PKD2: variants seen among roughly 807,000 people sequenced by gnomAD.
PKD2 encodes polycystin-2.
A neutral mutation model predicts 105.9 loss-of-function variants in PKD2; 48 were observed. The observed-to-expected ratio is 0.45, with a 90% CI of 0.36 to 0.58. PKD2 has a LOEUF of 0.58. PKD2 is among the 20% of genes least tolerant of loss of function. The pLI is 0.00. For synonymous variants in PKD2, 464 were observed against 481.1 expected, an observed-to-expected ratio of 0.96 and a Z score of 0.46; for missense variants, 1,078 against 1,255.3, an observed-to-expected ratio of 0.86 and a Z score of 2.13.
rs529761249 is a variant in PKD2 at position 88,047,776 on chromosome 4, TC to T, written c.1548+907del. Among the ~76,000 whole-genome samples the T allele has an allele frequency of 7.9e-5, 12 of 152,140 alleles. No individual in the cohort carries two copies. The East Asian group carries it at 2.3e-3, about 29-fold the overall frequency. ...ACTTTAGGGAACTGAGGTGGGAGGATCACTTGAGATCAGGAGTTTGATACCA... is the reference window on the plus strand; with the variant it reads ...ACTTTAGGGAACTGAGGTGGGAGGATACTTGAGATCAGGAGTTTGATACCA... On this transcript the variant is annotated intron_variant, in intron 6 of 14. Coordinates refer to ENST00000237596, the MANE Select transcript of PKD2 (RefSeq NM_000297.4).
intron 8 of PKD2, among the ~76,000 whole-genome samples, chr4:88,057,468 T>G (rs1205292816): frequency 1.3e-5 from 2 of 149,500 alleles, no homozygotes; most frequent in Non-Finnish European, 3.0e-5. Context: ...TGGAGTCTCG[T>G]TCCATCGCCC....
chr4:88,014,107 TAGAA>T (rs1255530080), intron 1 of PKD2, among the ~76,000 whole-genome samples: 3 of 151,954 alleles, frequency 2.0e-5, no homozygotes, highest in South Asian at 2.1e-4. Flanking sequence ...AGAAGCTAGA[TAGAA>T]AGGAAACAAA....
chr4:88,056,087 T>C lies in PKD2; in HGVS notation c.1718T>C (p.Leu573Pro). ...ATTGATGTCTTCTCTCTCTTACAGC[T>C]CTTCAAATTCATCAATTTTAACAGG... is the stretch of plus-strand genomic sequence containing the variant. The part of the protein sequence containing the change: ...AVTVFFVWIK[L>P]FKFINFNRTM... Residue 573 changes from leucine (L) to proline (P), a missense_variant and splice_region_variant, in exon 8 of 15, where the codon CTC (leucine) becomes CCC (proline). Leu to Pro is a moderately conservative substitution (Grantham distance 98, BLOSUM62 -3). Around this residue, in one of 2 missense-constraint regions of PKD2, gnomAD observed 868 missense variants for 1,067.3 expected, o/e 0.81. Coordinates refer to ENST00000237596, the MANE Select transcript of PKD2 (RefSeq NM_000297.4). 1 of 1,602,406 alleles carries C rather than the reference T, an allele frequency of 6.2e-7. No homozygotes were observed. Among genetic ancestry groups the C allele is most frequent in the Non-Finnish European group, 8.6e-7 (1 of 1,169,448 alleles).
At chr4:88,070,227 A>T (rs1330900933) in intron 13 of PKD2, among the ~76,000 whole-genome samples, 1 of 152,144 alleles carries the variant, frequency 6.6e-6, no homozygotes, top group Non-Finnish European at 1.5e-5. Flanking sequence ...CCCCTTGTAC[A>T]TGATGACTCA....
chr4:88,058,203 G>C (rs1311696559), intron 9 of PKD2, 100 bp downstream of exon 9: 2 of 773,506 alleles, frequency 2.6e-6, no homozygotes, highest in South Asian at 1.6e-5. Context: ...TTTAAATAAA[G>C]ACCCAGGAAG....
intron 6 of PKD2, among the ~76,000 whole-genome samples, chr4:88,050,196 G>A (rs919024816): frequency 2.6e-5 from 4 of 151,942 alleles, no homozygotes; most frequent in Admixed American, 1.3e-4. Flanking sequence ...GGATGGTCTC[G>A]ATCTCCTGAC....
chr4:88,045,628 G>C (rs1211872776), intron 5 of PKD2, among the ~76,000 whole-genome samples: 3 of 152,236 alleles, frequency 2.0e-5, no homozygotes, highest in African/African-American at 7.2e-5. Context: ...GAATCACCCA[G>C]CTTTCTCAGT....
intron 2 of PKD2, among the ~76,000 whole-genome samples, chr4:88,031,782 T>G (rs1440732602): frequency 4.6e-5 from 7 of 152,234 alleles, no homozygotes; most frequent in African/African-American, 1.7e-4. Flanking sequence ...AATTGTTTTA[T>G]TACTAACAGG....
At position 88,046,859 on chromosome 4, in the gene PKD2, G is replaced by A; in HGVS notation, c.1537G>A (p.Val513Met). The A allele has an allele frequency of 6.3e-7, 1 of 1,598,844 alleles. No homozygotes were observed. The highest frequency in any genetic ancestry group is 8.6e-7 in the Non-Finnish European group (1 of 1,166,172). The change falls in exon 6 of 15, where the codon GTG becomes ATG. Residue 513 changes from valine (V) to methionine (M), a missense_variant. By Grantham distance (21) the Val-to-Met change is conservative. Around this residue, in one of 2 missense-constraint regions of PKD2, gnomAD observed 868 missense variants for 1,067.3 expected, o/e 0.81. Transcript: ENST00000237596. ...GAGTTTCTGGAATTGTCTGGATGTTGTGATCGTTGTGGTAGGTTTGAGAAC... is the reference window on the plus strand; with the variant it reads ...GAGTTTCTGGAATTGTCTGGATGTTATGATCGTTGTGGTAGGTTTGAGAAC... ...FRSFWNCLDV[V>M]IVVLSVVAIG...
At chr4:88,015,561 C>T (rs1355245282) in intron 1 of PKD2, among the ~76,000 whole-genome samples, 3 of 152,004 alleles carry the variant, frequency 2.0e-5, no homozygotes, top group South Asian at 2.1e-4. Flanking sequence ...TACAGCCTCC[C>T]GAGTAGCTCA....
intron 13 of PKD2, among the ~76,000 whole-genome samples, chr4:88,072,315 GTCTCTTTCCCTGGT>G (rs1012031781): frequency 5.7e-4 from 87 of 152,262 alleles, no homozygotes; most frequent in African/African-American, 1.9e-3. Flanking sequence ...CTTCTTAGCT[GTCTCTTTCCCTGGT>G]TCTCTCTGGT....
rs1491432071 is a variant in PKD2, at chr4:88,076,984, C to CT, written c.*1291dup. 6.6e-6 allele frequency: 1 copy of CT among 152,030 alleles called. No homozygotes were observed. The highest frequency in any genetic ancestry group is 1.5e-5 in the Non-Finnish European group (1 of 68,028). The allele number at this position is 152,030 out of a possible 1,614,324, so 9.4% of individuals were successfully genotyped here. A position where few individuals can be genotyped will look rare whatever the true frequency, so the allele number is the denominator to read the frequency against. ...TCAGCCAAAATTTGAGTTAGCAACACTGTTTTCTTTACGAGAGGGTCTCAC... is the reference window on the plus strand; with the variant it reads ...TCAGCCAAAATTTGAGTTAGCAACACTTGTTTTCTTTACGAGAGGGTCTCAC... On this transcript the variant is annotated 3_prime_UTR_variant, in exon 15 of 15. Transcript: ENST00000237596.
chr4:88,050,915 T>A (rs2728105), intron 6 of PKD2, among the ~76,000 whole-genome samples: 1 of 151,984 alleles, frequency 6.6e-6, no homozygotes, highest in Admixed American at 6.5e-5. Flanking sequence ...CCATGATCTC[T>A]ATGGTCATCT....
At chr4:88,063,246 T>C (rs1404663986) in intron 10 of PKD2, among the ~76,000 whole-genome samples, 2 of 152,166 alleles carry the variant, frequency 1.3e-5, no homozygotes, top group Non-Finnish European at 2.9e-5. Flanking sequence ...TTTACAAAAA[T>C]GGATAATTGA....
intron 1 of PKD2, among the ~76,000 whole-genome samples, chr4:88,011,564 G>A (rs1173258712): frequency 6.6e-6 from 1 of 152,008 alleles, no homozygotes; most frequent in East Asian, 1.9e-4. Context: ...TGAAATTGGT[G>A]TGCTGATTGT....
intron 10 of PKD2, among the ~76,000 whole-genome samples, chr4:88,063,496 A>ACTC (rs1298057043): frequency 6.6e-6 from 1 of 151,702 alleles, no homozygotes; most frequent in Non-Finnish European, 1.5e-5. Context: ...GTGCCATTGC[A>ACTC]CTCCAGCCTG....
In PKD2 at chr4:88,011,517, G is replaced by A. The variant is rs191434521; in HGVS notation, c.595+3189G>A. 2.5e-3 allele frequency among the ~76,000 whole-genome samples: 383 copies of A among 151,846 alleles called. 1 individual carries two copies. Among genetic ancestry groups the A allele is most frequent in the Non-Finnish European group, 3.9e-3 (266 of 67,922 alleles). The stretch of plus-strand genomic sequence containing the variant: ...GGAATAATGAATGAAATAATAAGTC[G>A]ACTCTTATTTCTCCTAAAATAATTG... On this transcript the variant is annotated intron_variant, in intron 1 of 14. Coordinates refer to ENST00000237596, the MANE Select transcript of PKD2 (RefSeq NM_000297.4).
intron 4 of PKD2, among the ~76,000 whole-genome samples, chr4:88,040,399 A>C (rs1352256151): frequency 6.6e-6 from 1 of 152,170 alleles, no homozygotes; most frequent in East Asian, 1.9e-4. Context: ...AGATACTAAT[A>C]AATATGTGCT....
intron 4 of PKD2, 49 bp downstream of exon 4, chr4:88,038,550 C>A: frequency 6.3e-7 from 1 of 1,586,692 alleles, no homozygotes; most frequent in Non-Finnish European, 8.7e-7. Context: ...TTCATTTATT[C>A]TCTGAACTCC....
Sources: allele counts gnomAD v4.1 joint callset (sites outside exome capture counted in the v4.1 genomes callset), GRCh38; gene constraint gnomAD v4.1.1; regional missense constraint gnomAD v4.1.1; transcripts MANE v1.5; gene names NCBI Gene and HGNC (gene_info 2026-07-23, HGNC 2026-07-21).